TUBGCP6: variants seen among roughly 807,000 people sequenced by gnomAD.
TUBGCP6 encodes the protein gamma-tubulin complex component 6.
A neutral mutation model predicts 175.8 loss-of-function variants in TUBGCP6; 161 were observed. The ratio of observed to expected loss-of-function variants is 0.92; its 90% CI spans 0.81 to 1.04. TUBGCP6 has a LOEUF of 1.04. Among genes scored for constraint, TUBGCP6 ranks in the 50% least tolerant of loss-of-function variants. The probability of loss-of-function intolerance (pLI) is 0.00; values close to 1 mark genes in which losing one functional copy is unlikely to be tolerated. For missense variants in TUBGCP6, 2,572 were observed against 2,433.0 expected (o/e 1.06, Z -1.20); for synonymous variants, 1,173 against 1,030.5 (o/e 1.14, Z -2.65).
rs1292070172 is a variant in TUBGCP6, at chr22:50,240,111, CCT to C, written c.905+91_905+92del. ...CTAACCCATCACAACTGCCTGGACC[CCT>C]GAGTACACAACGCCCCCCACACACC... is the stretch of plus-strand genomic sequence containing the variant. On this transcript the variant is annotated intron_variant, in intron 2 of 24. Coordinates refer to ENST00000248846, the MANE Select transcript of TUBGCP6 (RefSeq NM_020461.4). 11 of 1,548,838 alleles carry C rather than the reference CCT, an allele frequency of 7.1e-6. No homozygotes were observed. In the African/African-American group the frequency reaches 9.6e-5, roughly 13 times the overall value.
Position 50,222,495 on chromosome 22 carries a change from C to T in TUBGCP6, c.2368G>A (p.Ala790Thr), listed in dbSNP as rs1332150205. ...TCTTCTAAGAGAAAACGAAGCCGTG[C>T]ACTCTCCAGTCGGTGCCTCTGGATT... Reference protein sequence around the residue: ...WRIQRHRLESARLRFLLEDEK... With the variant: ...WRIQRHRLESTRLRFLLEDEK... The change falls in exon 14 of 25, where the codon GCA becomes ACA. Residue 790 changes from alanine to threonine, a missense_variant. Coordinates refer to ENST00000248846, the MANE Select transcript of TUBGCP6 (RefSeq NM_020461.4). 6.2e-7 allele frequency: 1 copy of T among 1,613,866 alleles called. No homozygotes were observed. Among genetic ancestry groups the T allele is most frequent in the African/African-American group, 1.3e-5 (1 of 75,046 alleles).
chr22:50,231,210 T>C (rs1232710923), intron 3 of TUBGCP6, among the ~76,000 whole-genome samples: 2 of 151,946 alleles, frequency 1.3e-5, no homozygotes, highest in African/African-American at 4.8e-5. Context: ...ACCAACACTT[T>C]GGGAGGCCAA....
chr22:50,229,713 G>A, intron 3 of TUBGCP6, 136 bp from the exon 4 acceptor site: 1 of 819,816 alleles, frequency 1.2e-6, no homozygotes, highest in East Asian at 2.7e-5. Context: ...ATGCCCAGAA[G>A]GCATACCCAG....
rs202093025 is a variant in TUBGCP6 at position 50,220,653 on chromosome 22, G to A, written c.3706C>T (p.Arg1236Trp). 7.1e-5 allele frequency: 115 copies of A among 1,610,358 alleles called. No homozygotes were observed. Among genetic ancestry groups the A allele is most frequent in the Middle Eastern group, 1.7e-4 (1 of 6,050 alleles). Residue 1236 changes from arginine (R) to tryptophan (W), a missense_variant, in exon 16 of 25, where the codon CGG (arginine) becomes TGG (tryptophan). By Grantham distance (101) the Arg-to-Trp change is moderately radical. Transcript: ENST00000248846. ...GENVSDVAPI[R>W]SRCNTHGHVS... The stretch of plus-strand genomic sequence containing the variant: ...TGTCCATGGGTGTTGCACCGTGACC[G>A]GATGGGAGCCACGTCCGATACGTTC...
Position 50,241,145 on chromosome 22 carries a change from G to T in TUBGCP6, c.742-778C>A, listed in dbSNP as rs763567191. ...TTGTAGCAATTGCTCTTTATTCCAA[G>T]ATTATAATAATCTTCGCTCTACAAT... is the stretch of plus-strand genomic sequence containing the variant. On this transcript the variant is annotated intron_variant, in intron 1 of 24. Transcript: ENST00000248846. Among the ~76,000 whole-genome samples the T allele has an allele frequency of 4.6e-5, 7 of 152,208 alleles. No homozygotes were observed. In the South Asian group the frequency reaches 1.2e-3, roughly 27 times the overall value.
chr22:50,237,511 G>A (rs998366311), intron 2 of TUBGCP6, among the ~76,000 whole-genome samples: 1 of 152,250 alleles, frequency 6.6e-6, no homozygotes, highest in Non-Finnish European at 1.5e-5. Flanking sequence ...GCCACTGTGT[G>A]GCCCTGTGCA....
At chr22:50,229,696 A>G (rs886577082) in intron 3 of TUBGCP6, 119 bp from the exon 4 acceptor site, 1 of 1,026,598 alleles carries the variant, frequency 9.7e-7, no homozygotes, top group African/African-American at 1.6e-5. Flanking sequence ...CCAGGACCCA[A>G]AAGCAAATGC....
intron 5 of TUBGCP6, 54 bp from the exon 6 acceptor site, chr22:50,227,131 T>C (rs2064624286): frequency 2.6e-6 from 4 of 1,513,764 alleles, no homozygotes; most frequent in Non-Finnish European, 3.6e-6. Flanking sequence ...TTCCCAGGCC[T>C]GGATCAGATC....
chr22:50,217,720 C>G lies in TUBGCP6; in HGVS notation c.*16G>C, dbSNP rs371217966. Reference sequence around the variant, plus strand: ...CCGAGAACACCTTTATTGTGCACGTCCCCCGCAGAGCAGCCTCAGGCGTCC... The same window carrying G: ...CCGAGAACACCTTTATTGTGCACGTGCCCCGCAGAGCAGCCTCAGGCGTCC... On this transcript the variant is annotated 3_prime_UTR_variant, in exon 25 of 25. Coordinates refer to ENST00000248846, the MANE Select transcript of TUBGCP6 (RefSeq NM_020461.4). 9.9e-6 allele frequency: 16 copies of G among 1,611,896 alleles called. No individual in the cohort carries two copies. In the East Asian group the frequency reaches 2.9e-4, roughly 29 times the overall value.
chr22:50,223,535 T>G (rs1327440922), intron 13 of TUBGCP6: 1 of 153,410 alleles, frequency 6.5e-6, no homozygotes, highest in African/African-American at 2.4e-5. Flanking sequence ...TCCCAGCACT[T>G]TGGGAGGCCG....
rs767750685 is a variant in TUBGCP6 at position 50,233,378 on chromosome 22, G to T, written c.1054C>A (p.Leu352Met). 20 of 1,613,944 alleles carry T rather than the reference G, an allele frequency of 1.2e-5. No individual in the cohort carries two copies. The highest frequency in any genetic ancestry group is 1.6e-5 in the Non-Finnish European group (19 of 1,179,984). Residue 352 changes from leucine to methionine, a missense_variant, in exon 3 of 25, where the codon CTG becomes ATG. Physicochemically the swap from Leu to Met is conservative, Grantham distance 15. Coordinates refer to ENST00000248846, the MANE Select transcript of TUBGCP6 (RefSeq NM_020461.4). ...AAGACGTTCAGCACGTCTTTCACCA[G>T]CTCGCACTCCTTCACCAGCACGGGC... is the stretch of plus-strand genomic sequence containing the variant. ...PQPVLVKECE[L>M]VKDVLNVLIG...
chr22:50,220,061 G>A, intron 16 of TUBGCP6, 46 bp from the exon 17 acceptor site: 7 of 1,600,894 alleles, frequency 4.4e-6, no homozygotes, highest in Non-Finnish European at 6.0e-6. Flanking sequence ...CCGAGTGCCT[G>A]TGGCGGGTAC....
Position 50,217,883 on chromosome 22 carries a change from C to T in TUBGCP6, c.5368+35G>A, listed in dbSNP as rs373083386. ...CCCACAGTGTGAGCCCCGCCCTGGC[C>T]CCCCCGCAGCCCTCCCAGCCAGGGT... On this transcript the variant is annotated intron_variant, in intron 24 of 24. Transcript: ENST00000248846. 42 of 1,604,788 alleles carry T rather than the reference C, an allele frequency of 2.6e-5. 1 individual carries two copies. The highest frequency in any genetic ancestry group is 8.8e-5 in the South Asian group (8 of 90,470).
intron 1 of TUBGCP6, among the ~76,000 whole-genome samples, chr22:50,240,980 CTG>C (rs1283027856): frequency 2.6e-5 from 4 of 152,302 alleles, no homozygotes; most frequent in African/African-American, 9.6e-5. Context: ...CAGAGCAAGA[CTG>C]TGGGCAGCAA....
chr22:50,227,992 A>C lies in TUBGCP6; in HGVS notation c.1327T>G (p.Tyr443Asp). ...GGAGTGGAAAGGACGCAGGCCCGGT[A>C]ATACTGCAGGTACCTCCTCAGGCCA... ...TSGLRRYLQY[Y>D]RACVLSTPPT... The change falls in exon 5 of 25, where the codon TAC becomes GAC. Residue 443 changes from tyrosine to aspartate, a missense_variant. Tyr to Asp is a radical substitution (Grantham distance 160, BLOSUM62 -3). Coordinates refer to ENST00000248846, the MANE Select transcript of TUBGCP6 (RefSeq NM_020461.4). 6.4e-7 allele frequency: 1 copy of C among 1,569,784 alleles called. No individual in the cohort carries two copies. Among genetic ancestry groups the C allele is most frequent in the Non-Finnish European group, 8.6e-7 (1 of 1,157,462 alleles).
At chr22:50,232,000 C>G (rs909622339) in intron 3 of TUBGCP6, among the ~76,000 whole-genome samples, 4 of 151,692 alleles carry the variant, frequency 2.6e-5, no homozygotes, top group African/African-American at 9.7e-5. Flanking sequence ...GCAGGCAGAT[C>G]ACTTGAGCCC....
In TUBGCP6 at chr22:50,226,107, G is replaced by A. The variant is rs987382976; in HGVS notation, c.1776C>T (p.Ala592=). ...DCVPVFLKHI[A]HDIYVCGKTI... ...TCTTTCCGCAGACGTATATGTCGTGGGCAATGTGCTTCAGAAACACGGGAA... is the reference window on the plus strand; with the variant it reads ...TCTTTCCGCAGACGTATATGTCGTGAGCAATGTGCTTCAGAAACACGGGAA... Residue 592 remains alanine, a synonymous_variant, in exon 9 of 25, where the codon GCC becomes GCT. Coordinates refer to ENST00000248846, the MANE Select transcript of TUBGCP6 (RefSeq NM_020461.4). 3 of 1,614,030 alleles carry A rather than the reference G, an allele frequency of 1.9e-6. No individual in the cohort carries two copies. The African/African-American group carries it at 4.0e-5, about 22-fold the overall frequency.
In TUBGCP6 at chr22:50,218,221, C is replaced by A. The variant is rs142373772; in HGVS notation, c.5136G>T (p.Ala1712=). 54 of 1,612,400 alleles carry A rather than the reference C, an allele frequency of 3.3e-5. No individual in the cohort carries two copies. Among genetic ancestry groups the A allele is most frequent in the South Asian group, 1.1e-5 (1 of 91,092 alleles). ...TVGDLEEIQR[A]HAEYLHKAVF... ...CGGCCTTGTGCAGGTACTCTGCGTGCGCACGCTGGATCTCCTCCAGGTCGC... is the reference window on the plus strand; with the variant it reads ...CGGCCTTGTGCAGGTACTCTGCGTGAGCACGCTGGATCTCCTCCAGGTCGC... The change falls in exon 23 of 25, where the codon GCG becomes GCT. Residue 1712 remains alanine, a synonymous_variant. Transcript: ENST00000248846.
At position 50,244,453 on chromosome 22, in the gene TUBGCP6, T is replaced by C. The variant is rs2064892885; in HGVS notation, c.7A>G (p.Ser3Gly). MASITQLFDDLCE... is the reference protein window; with the variant it reads MAGITQLFDDLCE... ...AGGTCGTCGAACAGCTGCGTGATGCTGGCCATGCCCCTTCTCAGCTCCGGG... is the reference window on the plus strand; with the variant it reads ...AGGTCGTCGAACAGCTGCGTGATGCCGGCCATGCCCCTTCTCAGCTCCGGG... Residue 3 changes from serine to glycine, a missense_variant, in exon 1 of 25, where the codon AGC becomes GGC. By Grantham distance (56) the Ser-to-Gly change is moderately conservative (BLOSUM62 0). Coordinates refer to ENST00000248846, the MANE Select transcript of TUBGCP6 (RefSeq NM_020461.4). 1.2e-6 allele frequency: 2 copies of C among 1,609,520 alleles called. No individual in the cohort carries two copies. The highest frequency in any genetic ancestry group is 1.3e-5 in the African/African-American group (1 of 75,012).
Sources: gnomAD v4.1 joint callset for allele counts (sites outside exome capture counted in the v4.1 genomes callset) on GRCh38, gnomAD v4.1.1 for gene constraint, MANE v1.5 for transcripts, NCBI Gene and HGNC (gene_info 2026-07-23, HGNC 2026-07-21) for gene names.